CRB1: variants seen among roughly 807,000 people sequenced by gnomAD.
The protein encoded by CRB1 is crumbs cell polarity complex component 1, also known as protein crumbs homolog 1.
A neutral mutation model predicts 120.0 loss-of-function variants in CRB1; 83 were observed. The ratio of observed to expected loss-of-function variants is 0.69; its 90% confidence interval spans 0.58 to 0.83. CRB1 has a LOEUF of 0.83. Among genes scored for constraint, CRB1 ranks in the 40% least tolerant of loss-of-function variants. The probability of loss-of-function intolerance (pLI) is 0.00; values close to 1 mark genes in which losing one functional copy is unlikely to be tolerated. For synonymous variants in CRB1, 625 were observed against 612.5 expected (o/e 1.02, Z -0.30); for missense variants, 1,699 against 1,687.6 (o/e 1.01, Z -0.12).
In CRB1 at chr1:197,318,900, G is replaced by A. The variant is rs565773673; in HGVS notation, c.71-9522G>A. Among the ~76,000 whole-genome samples, 64 of 152,074 alleles carry A rather than the reference G, an allele frequency of 4.2e-4. No individual in the cohort carries two copies. The South Asian group carries it at 0.013, about 31-fold the overall frequency. On this transcript the variant is annotated intron_variant, in intron 1 of 11. Transcript: ENST00000367400. ...GGTGCAAAGTTATAGTTACACAGGA[G>A]GATAAGTTCTGGTGTTCTGTTGAAT...
chr1:197,253,951 A>T, the CRB1 span, among the ~76,000 whole-genome samples: 5 of 152,110 alleles, frequency 3.3e-5, no homozygotes, highest in Non-Finnish European at 7.4e-5. Context: ...TGTAATAAAC[A>T]CATCAGCAAA....
chr1:197,219,197 TTAAAAATCTGACTCA>T, the CRB1 span, among the ~76,000 whole-genome samples: 1 of 152,236 alleles, frequency 6.6e-6, no homozygotes, highest in Non-Finnish European at 1.5e-5. Context: ...GATAATGTTT[TTAAAAATCTGACTCA>T]TAATTTTATT....
chr1:197,287,359 A>T (rs988186163), intron 1 of CRB1, among the ~76,000 whole-genome samples: 2 of 151,902 alleles, frequency 1.3e-5, no homozygotes. Flanking sequence ...CATTTTTGTG[A>T]ATTCAAGCTC....
chr1:197,213,769 A>G, the CRB1 span, among the ~76,000 whole-genome samples: 2 of 152,124 alleles, frequency 1.3e-5, no homozygotes, highest in African/African-American at 4.8e-5. Context: ...TAAGCAACAC[A>G]CTCCTGAACA....
the CRB1 span, among the ~76,000 whole-genome samples, chr1:197,210,556 C>G: frequency 1.3e-5 from 2 of 152,056 alleles, no homozygotes; most frequent in South Asian, 2.1e-4. Flanking sequence ...GGCCAGCCCC[C>G]ACAATCATGT....
chr1:197,339,766 G>C (rs1659351029), intron 2 of CRB1, among the ~76,000 whole-genome samples: 1 of 152,174 alleles, frequency 6.6e-6, no homozygotes, highest in African/African-American at 2.4e-5. Flanking sequence ...GGAGTGCAAA[G>C]TCTCTAAATA....
intron 5 of CRB1, chr1:197,363,781 T>C (rs1164831187): frequency 1.5e-6 from 1 of 675,962 alleles, no homozygotes. Context: ...AACGGGTCTT[T>C]GTGGCTCTGC....
Position 197,357,017 on chromosome 1 carries a change from AG to A in CRB1, c.1171+6del. Reference sequence around the variant, plus strand: ...ATCTGTCAGCCTGGATTCACAGGTGAGGCCAAGGAGATGGGATATGACTTGA... The same window carrying A: ...ATCTGTCAGCCTGGATTCACAGGTGAGCCAAGGAGATGGGATATGACTTGA... On this transcript the variant is annotated splice_donor_5th_base_variant and intron_variant, in intron 5 of 11. Transcript: ENST00000367400. The A allele has an allele frequency of 1.9e-6, 3 of 1,614,138 alleles. No individual in the cohort carries two copies. The South Asian group carries it at 3.3e-5, about 18-fold the overall frequency.
intron 5 of CRB1, among the ~76,000 whole-genome samples, chr1:197,373,239 C>T (rs1000112575): frequency 4.7e-4 from 72 of 152,258 alleles, no homozygotes; most frequent in African/African-American, 1.4e-3. Context: ...TTATATTTCC[C>T]ACTTAGTCCA....
intron 6 of CRB1, 134 bp downstream of exon 6, chr1:197,422,090 C>T (rs1208055632): frequency 1.3e-6 from 1 of 786,018 alleles, no homozygotes; most frequent in African/African-American, 1.7e-5. Context: ...TGGTTGCCCA[C>T]TGATGAGAAA....
intron 1 of CRB1, among the ~76,000 whole-genome samples, chr1:197,305,421 A>G (rs1657103106): frequency 6.6e-6 from 1 of 152,136 alleles, no homozygotes; most frequent in Admixed American, 6.6e-5. Flanking sequence ...GTTCCAAAAA[A>G]TTTTATGTAC....
chr1:197,366,907 CAA>C (rs1661108391), intron 5 of CRB1, among the ~76,000 whole-genome samples: 1 of 152,036 alleles, frequency 6.6e-6, no homozygotes, highest in Non-Finnish European at 1.5e-5. Context: ...TCTAATTCTC[CAA>C]AATCATTTCA....
At chr1:197,232,354 A>G in the CRB1 span, among the ~76,000 whole-genome samples, 7 of 152,300 alleles carry the variant, frequency 4.6e-5, no homozygotes, top group African/African-American at 1.7e-4. Context: ...AACTGGGCCA[A>G]CTGGTGGAAA....
chr1:197,446,956 T>C (rs1315114521), intron 11 of CRB1, among the ~76,000 whole-genome samples: 7 of 152,248 alleles, frequency 4.6e-5, no homozygotes, highest in Admixed American at 3.9e-4. Flanking sequence ...ATATATATTA[T>C]AGATCTATTG....
At chr1:197,337,840 T>A (rs1178315647) in intron 2 of CRB1, among the ~76,000 whole-genome samples, 1 of 152,094 alleles carries the variant, frequency 6.6e-6, no homozygotes, top group East Asian at 1.9e-4. Flanking sequence ...TAGGCAAGAA[T>A]TCAACTTCTA....
intron 1 of CRB1, among the ~76,000 whole-genome samples, chr1:197,272,380 A>G (rs1456749337): frequency 1.3e-5 from 2 of 152,176 alleles, no homozygotes; most frequent in African/African-American, 4.8e-5. Context: ...TTCCTACATT[A>G]CATAGCAGAG....
chr1:197,403,887 A>G (rs1663195121), intron 5 of CRB1, among the ~76,000 whole-genome samples: 1 of 152,174 alleles, frequency 6.6e-6, no homozygotes, highest in South Asian at 2.1e-4. Flanking sequence ...GTCATTAGCC[A>G]GGTTCACTGA....
intron 11 of CRB1, among the ~76,000 whole-genome samples, chr1:197,459,149 GTGGATAAATTAAGAGAAAGATTAGATGA>G (rs1666413956): frequency 2.0e-5 from 3 of 152,108 alleles, no homozygotes. Flanking sequence ...GGATATAGAA[GTGGATAAATTAAGAGAAAGATTAGATGA>G]TGGATTCCCT....
intron 1 of CRB1, among the ~76,000 whole-genome samples, chr1:197,321,816 A>C (rs1192706104): frequency 6.6e-6 from 1 of 152,196 alleles, no homozygotes; most frequent in East Asian, 1.9e-4. Flanking sequence ...AAATATGAGG[A>C]GGATTAATGG....
Sources: gnomAD v4.1 joint callset for allele counts (sites outside exome capture counted in the v4.1 genomes callset) on GRCh38, gnomAD v4.1.1 for gene constraint, MANE v1.5 for transcripts, NCBI Gene and HGNC (gene_info 2026-07-23, HGNC 2026-07-21) for gene names.